Variants in SIPA1L2 observed in about 807,000 individuals in gnomAD.
SIPA1L2 encodes the protein signal induced proliferation associated 1 like 2, also known as signal-induced proliferation-associated 1-like protein 2.
Under a neutral mutation model 163.9 loss-of-function variants are expected in SIPA1L2, and 56 were observed. The observed-to-expected ratio is 0.34, with a 90% CI of 0.28 to 0.43. SIPA1L2 has a LOEUF of 0.43. Among genes scored for constraint, SIPA1L2 ranks in the 20% least tolerant of loss-of-function variants. SIPA1L2 has a pLI of 1.00. For missense variants in SIPA1L2, 1,974 were observed against 2,193.5 expected, an observed-to-expected ratio of 0.90 and a Z score of 2.00; for synonymous variants, 877 against 865.7, an observed-to-expected ratio of 1.01 and a Z score of -0.23.
intron 1 of SIPA1L2, among the ~76,000 whole-genome samples, chr1:232,585,061 T>C (rs1660583172): frequency 6.6e-6 from 1 of 152,174 alleles, no homozygotes; most frequent in African/African-American, 2.4e-5. Context: ...TCAATTGGGG[T>C]AGAGATCTTG....
At chr1:232,546,521 T>C (rs983930797) in intron 2 of SIPA1L2, among the ~76,000 whole-genome samples, 2 of 152,140 alleles carry the variant, frequency 1.3e-5, no homozygotes, top group East Asian at 1.9e-4. Context: ...TCAGACAACA[T>C]GGCACTTGAC....
intron 1 of SIPA1L2, among the ~76,000 whole-genome samples, chr1:232,619,316 T>C (rs1000890837): frequency 6.6e-6 from 1 of 152,246 alleles, no homozygotes; most frequent in Admixed American, 6.5e-5. Context: ...CAGTCTTTCA[T>C]CTGAAAGAAG....
intron 17 of SIPA1L2, among the ~76,000 whole-genome samples, chr1:232,426,075 G>A (rs1361107191): frequency 1.3e-5 from 2 of 152,124 alleles, no homozygotes; most frequent in Non-Finnish European, 2.9e-5. Flanking sequence ...TATTAACTCT[G>A]AAATGTTAAA....
At chr1:232,614,734 A>C (rs1298827523) in intron 1 of SIPA1L2, among the ~76,000 whole-genome samples, 2 of 152,242 alleles carry the variant, frequency 1.3e-5, no homozygotes, top group African/African-American at 4.8e-5. Context: ...TCGAATTATC[A>C]AAATGCCATG....
intron 3 of SIPA1L2, among the ~76,000 whole-genome samples, chr1:232,510,071 G>A (rs147008002): frequency 5.9e-5 from 9 of 152,178 alleles, no homozygotes; most frequent in East Asian, 3.9e-4. Context: ...GGGATATTTC[G>A]GTCAACAATG....
intron 2 of SIPA1L2, among the ~76,000 whole-genome samples, chr1:232,534,310 T>C (rs897197192): frequency 9.9e-5 from 15 of 152,164 alleles, no homozygotes; most frequent in Admixed American, 9.8e-4. Context: ...TTTCAACAAA[T>C]GGTGCTGGGA....
At chr1:232,497,387 A>G (rs1353132473) in intron 3 of SIPA1L2, among the ~76,000 whole-genome samples, 2 of 142,090 alleles carry the variant, frequency 1.4e-5, no homozygotes, top group East Asian at 4.0e-4. Flanking sequence ...GTCCTTGCAA[A>G]TGGACCGGGG....
At chr1:232,480,154 CGTGTGTGTGTGTGTGTGTGTGTGT>C (rs536840154) in intron 6 of SIPA1L2, among the ~76,000 whole-genome samples, 6 of 132,740 alleles carry the variant, frequency 4.5e-5, no homozygotes, top group African/African-American at 9.0e-5. Flanking sequence ...TGTGTGTGTG[CGTGTGTGTGTGTGTGTGTGTGTGT>C]GTGTGTGTGT....
At chr1:232,539,632 G>C (rs1268154022) in intron 2 of SIPA1L2, among the ~76,000 whole-genome samples, 1 of 152,154 alleles carries the variant, frequency 6.6e-6, no homozygotes, top group Non-Finnish European at 1.5e-5. Flanking sequence ...TGTACAAGAA[G>C]AGCAAACACA....
At chr1:232,591,991 T>C (rs1375089619) in intron 1 of SIPA1L2, among the ~76,000 whole-genome samples, 2 of 152,210 alleles carry the variant, frequency 1.3e-5, no homozygotes, top group African/African-American at 4.8e-5. Context: ...TGGGTGCTTC[T>C]AGTGGGACTG....
chr1:232,459,986 C>T (rs1664142842), intron 10 of SIPA1L2, among the ~76,000 whole-genome samples: 1 of 151,886 alleles, frequency 6.6e-6, no homozygotes, highest in African/African-American at 2.4e-5. Flanking sequence ...TGAGTTGCCC[C>T]AGGCCACACA....
chr1:232,542,223 TATTA>T (rs1657729075), intron 2 of SIPA1L2, among the ~76,000 whole-genome samples: 1 of 152,362 alleles, frequency 6.6e-6, no homozygotes, highest in African/African-American at 2.4e-5. Context: ...TTTAAATAAT[TATTA>T]ATTTAGTTAA....
chr1:232,424,194 C>CAGTGGGGAAAATGTGTTGACATTT (rs1661744328), intron 18 of SIPA1L2, among the ~76,000 whole-genome samples: 1 of 151,944 alleles, frequency 6.6e-6, no homozygotes, highest in Non-Finnish European at 1.5e-5. Context: ...ACCACTGCCA[C>CAGTGGGGAAAATGTGTTGACATTT]TCTTTGAGGG....
Position 232,443,682 on chromosome 1 carries a change from G to C in SIPA1L2, c.3357C>G (p.Ser1119Arg). The C allele has an allele frequency of 6.2e-7, 1 of 1,607,754 alleles. No homozygotes were observed. The highest frequency in any genetic ancestry group is 8.5e-7 in the Non-Finnish European group (1 of 1,177,090). ...FDRKLPDGTR[S>R]SPSNQSSSSD... ...TGGAGGATGACTGGTTGCTGGGTGA[G>C]CTTCTGAAAGGTTGAGTAGAATCAT... Residue 1119 changes from serine to arginine, a missense_variant, in exon 12 of 23, where the codon AGC (serine) becomes AGG (arginine). Coordinates refer to ENST00000674635, the MANE Select transcript of SIPA1L2 (RefSeq NM_020808.5).
chr1:232,619,621 C>G (rs1195344458), intron 1 of SIPA1L2, among the ~76,000 whole-genome samples: 3 of 152,196 alleles, frequency 2.0e-5, no homozygotes, highest in Non-Finnish European at 4.4e-5. Context: ...TGACAGCTAC[C>G]CAGGACGGGA....
chr1:232,466,670 A>T (rs1371435375), intron 8 of SIPA1L2, among the ~76,000 whole-genome samples: 2 of 152,208 alleles, frequency 1.3e-5, no homozygotes, highest in African/African-American at 4.8e-5. Context: ...GGGCGCCTGT[A>T]GTCCCAGCTA....
rs113577003 is a variant in SIPA1L2 at position 232,591,156 on chromosome 1, T to C, written c.-318-16934A>G. 4.1e-3 allele frequency among the ~76,000 whole-genome samples: 626 copies of C among 152,162 alleles called. 3 individuals carry two copies. Among genetic ancestry groups the C allele is most frequent in the African/African-American group, 0.014 (592 of 41,502 alleles). On this transcript the variant is annotated intron_variant, in intron 1 of 22. Coordinates refer to ENST00000674635, the MANE Select transcript of SIPA1L2 (RefSeq NM_020808.5). ...AAAATAGCAGCCCACATAGGAACAA[T>C]GACAAAACAGCCAAAAAGCATTTAA...
chr1:232,606,844 G>A (rs1661948743), intron 1 of SIPA1L2, among the ~76,000 whole-genome samples: 2 of 151,820 alleles, frequency 1.3e-5, no homozygotes, highest in African/African-American at 4.8e-5. Flanking sequence ...TTAGATGTTA[G>A]GGGCTTTTAC....
intron 15 of SIPA1L2, among the ~76,000 whole-genome samples, chr1:232,438,523 G>T (rs1321226394): frequency 1.3e-5 from 2 of 152,216 alleles, no homozygotes; most frequent in Non-Finnish European, 2.9e-5. Context: ...CTCATAAGGA[G>T]ATATTAAACA....
Sources: gnomAD v4.1 joint callset for allele counts (sites outside exome capture counted in the v4.1 genomes callset) on GRCh38, gnomAD v4.1.1 for gene constraint, MANE v1.5 for transcripts, NCBI Gene and HGNC (gene_info 2026-07-23, HGNC 2026-07-21) for gene names.